MYH3: variants seen among roughly 807,000 people sequenced by gnomAD.
MYH3 encodes myosin heavy chain 3.
Under a neutral mutation model 238.0 loss-of-function variants are expected in MYH3, and 130 were observed. The ratio of observed to expected loss-of-function variants is 0.55; its 90% CI spans 0.47 to 0.63. The LOEUF is 0.63. Ranked by LOEUF, MYH3 falls within the 30% of genes least tolerant of loss-of-function variation. The probability of loss-of-function intolerance (pLI) is 0.00; values close to 1 mark genes in which losing one functional copy is unlikely to be tolerated. For synonymous variants in MYH3, 880 were observed against 924.1 expected (o/e 0.95, Z 0.86); for missense variants, 1,853 against 2,374.9 (o/e 0.78, Z 4.57).
chr17:10,632,716 T>G lies in MYH3; in HGVS notation c.4716A>C (p.Glu1572Asp). The G allele has an allele frequency of 6.2e-7, 1 of 1,614,200 alleles. No homozygotes were observed. Among genetic ancestry groups the G allele is most frequent in the Non-Finnish European group, 8.5e-7 (1 of 1,180,026 alleles). ...IQLELTQVKS[E>D]IDRKIAEKDE... Reference sequence around the variant, plus strand: ...CCTTCTCGGCGATCTTTCTATCAATTTCTGATTTCACTTGTGTCAATTCAA... The same window carrying G: ...CCTTCTCGGCGATCTTTCTATCAATGTCTGATTTCACTTGTGTCAATTCAA... The change falls in exon 34 of 41, where the codon GAA becomes GAC. Residue 1572 changes from glutamate (E) to aspartate (D), a missense_variant. This residue lies in a region of MYH3 where 1,044 missense variants were observed against 1,192.6 expected (regional missense o/e 0.88). Transcript: ENST00000583535.
At position 10,635,034 on chromosome 17, in the gene MYH3, A is replaced by G. The variant is rs1269910440; in HGVS notation, c.4173-11T>C. On this transcript the variant is annotated splice_polypyrimidine_tract_variant and intron_variant, in intron 30 of 40. Coordinates refer to ENST00000583535, the MANE Select transcript of MYH3 (RefSeq NM_002470.4). ...TGAGCAAGTTTTTTCCTTAAAGAAT[A>G]TGAAAGAGAAGCAGCTGTTATTTCA... 1.2e-6 allele frequency: 2 copies of G among 1,613,440 alleles called. No homozygotes were observed. Among genetic ancestry groups the G allele is most frequent in the South Asian group, 1.1e-5 (1 of 91,070 alleles).
intron 5 of MYH3, 144 bp downstream of exon 5, chr17:10,651,368 C>T: frequency 6.9e-7 from 1 of 1,455,016 alleles, no homozygotes; most frequent in South Asian, 1.2e-5. Flanking sequence ...ATGATGCAGC[C>T]CCTTTCTGCC....
chr17:10,651,574 C>T lies in MYH3; in HGVS notation c.443G>A (p.Arg148His), dbSNP rs202142101. 45 of 1,613,976 alleles carry T rather than the reference C, an allele frequency of 2.8e-5. No homozygotes were observed. Among genetic ancestry groups the T allele is most frequent in the Middle Eastern group, 1.7e-4 (1 of 6,056 alleles). ...GAAGATGTGGGGTGGGGCCTCCTGGCGCTTTTTGCCTCGGTAGCCTTCCAC... is the reference window on the plus strand; with the variant it reads ...GAAGATGTGGGGTGGGGCCTCCTGGTGCTTTTTGCCTCGGTAGCCTTCCAC... ...EVVEGYRGKK[R>H]QEAPPHIFSI... Residue 148 changes from arginine to histidine, a missense_variant, in exon 5 of 41, where the codon CGC becomes CAC. This residue lies in a region of MYH3 where 678 missense variants were observed against 1,058.9 expected (regional missense o/e 0.64). Transcript: ENST00000583535.
the MYH3 span, chr17:10,675,170 A>G: frequency 3.9e-5 from 6 of 152,266 alleles, no homozygotes; most frequent in African/African-American, 1.4e-4. Context: ...ACTGAGGGTG[A>G]GAAGACACTG....
chr17:10,633,779 C>T, intron 32 of MYH3, 64 bp from the exon 33 acceptor site: 1 of 1,600,912 alleles, frequency 6.2e-7, no homozygotes, highest in South Asian at 1.1e-5. Context: ...ACATGCAAAG[C>T]ATTGACTCAA....
intron 2 of MYH3, 90 bp from the exon 3 acceptor site, chr17:10,655,162 CT>C: frequency 9.5e-7 from 1 of 1,056,710 alleles, no homozygotes. Context: ...CCCTGCCCTC[CT>C]TCAGCCGCAG....
At position 10,645,865 on chromosome 17, in the gene MYH3, A is replaced by G. The variant is rs757816945; in HGVS notation, c.1003-20T>C. 1 of 1,613,952 alleles carries G rather than the reference A, an allele frequency of 6.2e-7. No individual in the cohort carries two copies. Among genetic ancestry groups the G allele is most frequent in the Non-Finnish European group, 8.5e-7 (1 of 1,179,994 alleles). The stretch of plus-strand genomic sequence containing the variant: ...GGCGCTCTGGCATGGAAAGGGCAGC[A>G]CGTCAGTCAGTTGGCCCCAGTGATG... On this transcript the variant is annotated intron_variant, in intron 11 of 40. Coordinates refer to ENST00000583535, the MANE Select transcript of MYH3 (RefSeq NM_002470.4).
chr17:10,652,609 CTTTTTTTTTT>C (rs149916956), intron 3 of MYH3, 46 bp from the exon 4 acceptor site: 79 of 427,906 alleles, frequency 1.8e-4, no homozygotes, highest in South Asian at 4.7e-4. Flanking sequence ...GTCTGCACGT[CTTTTTTTTTT>C]TTTTTTTTTT....
At chr17:10,635,094 T>G in intron 30 of MYH3, 71 bp from the exon 31 acceptor site, 1 of 1,507,092 alleles carries the variant, frequency 6.6e-7, no homozygotes, top group East Asian at 2.3e-5. Context: ...ATTCATCAAG[T>G]TGGAATCACT....
chr17:10,672,267 A>G, the MYH3 span, among the ~76,000 whole-genome samples: 1,321 of 152,338 alleles, frequency 8.7e-3, 14 homozygotes, highest in Non-Finnish European at 0.012. Flanking sequence ...AACGTTTTAC[A>G]TAATATGGAT....
intron 5 of MYH3, among the ~76,000 whole-genome samples, chr17:10,651,012 CCT>C (rs1252268874): frequency 7.2e-5 from 11 of 152,072 alleles, no homozygotes; most frequent in East Asian, 5.8e-4. Flanking sequence ...CAAAGTGACC[CCT>C]GTCTCTATTA....
intron 36 of MYH3, among the ~76,000 whole-genome samples, chr17:10,630,883 G>A (rs2074149808): frequency 6.6e-6 from 1 of 152,076 alleles, no homozygotes; most frequent in South Asian, 2.1e-4. Flanking sequence ...GAAAGAAAAA[G>A]GACAACGGGT....
At chr17:10,650,558 CT>C (rs1489575822) in intron 5 of MYH3, among the ~76,000 whole-genome samples, 157 bp from the exon 6 acceptor site, 1 of 152,008 alleles carries the variant, frequency 6.6e-6, no homozygotes, top group Non-Finnish European at 1.5e-5. Flanking sequence ...CCTCCATCTG[CT>C]TTTTATTTTA....
chr17:10,645,580 C>T, intron 12 of MYH3, 127 bp downstream of exon 12: 1 of 1,255,540 alleles, frequency 8.0e-7, no homozygotes, highest in Non-Finnish European at 1.1e-6. Flanking sequence ...CCCTCAGCCT[C>T]CCAAAGTGCT....
the MYH3 span, among the ~76,000 whole-genome samples, chr17:10,670,772 C>T: frequency 3.7e-5 from 5 of 134,546 alleles, no homozygotes; most frequent in Non-Finnish European, 8.5e-5. The surrounding 1 kb of genome is among the most constrained non-coding windows in gnomAD (Gnocchi z 7.0). Flanking sequence ...GGCTTACTTG[C>T]TCAAAGTACA....
chr17:10,637,478 C>T (rs1255575871), intron 28 of MYH3, among the ~76,000 whole-genome samples: 1 of 152,170 alleles, frequency 6.6e-6, no homozygotes, highest in Non-Finnish European at 1.5e-5. Context: ...AAGGCCCTGG[C>T]TCTTAGTTTC....
At chr17:10,650,040 C>T (rs771876117) in intron 6 of MYH3, among the ~76,000 whole-genome samples, 14 of 152,096 alleles carry the variant, frequency 9.2e-5, no homozygotes, top group African/African-American at 3.1e-4. Flanking sequence ...GGCGCGATCT[C>T]GGCTCACTGC....
Position 10,654,153 on chromosome 17 carries a change from CTT to C in MYH3, c.204+706_204+707del, listed in dbSNP as rs373906831. 6.9e-5 allele frequency among the ~76,000 whole-genome samples: 5 copies of C among 72,272 alleles called. No individual in the cohort carries two copies. Among genetic ancestry groups the C allele is most frequent in the South Asian group, 3.8e-4 (1 of 2,636 alleles). 47.4% of individuals were successfully genotyped at this position (72,272 alleles called of 152,430 possible). ...TCTTTTATTTTCTTTCTTTCTTTCTCTTTCTTTCTTTCCTTCCTTCCTTGCTT... is the reference window on the plus strand; with the variant it reads ...TCTTTTATTTTCTTTCTTTCTTTCTCTCTTTCTTTCCTTCCTTCCTTGCTT... On this transcript the variant is annotated intron_variant, in intron 3 of 40. Transcript: ENST00000583535. This position sits in a 1 kb window ranked among gnomAD's most constrained non-coding sequence, Gnocchi z 4.5.
chr17:10,645,294 C>T (rs901312613), intron 12 of MYH3, among the ~76,000 whole-genome samples: 6 of 151,814 alleles, frequency 4.0e-5, no homozygotes, highest in Non-Finnish European at 7.4e-5. Flanking sequence ...TAGCCAGGCG[C>T]GGTGGTGTGT....
Sources: gnomAD v4.1 joint callset for allele counts (sites outside exome capture counted in the v4.1 genomes callset) on GRCh38, gnomAD v4.1.1 for gene constraint, gnomAD v4.1.1 regional missense constraint, Gnocchi (gnomAD v3.1) non-coding constraint, MANE v1.5 for transcripts, NCBI Gene and HGNC (gene_info 2026-07-23, HGNC 2026-07-21) for gene names.